CDK5RAP1: variants seen among roughly 807,000 people sequenced by gnomAD.
CDK5RAP1 encodes the protein mitochondrial tRNA methylthiotransferase CDK5RAP1.
CDK5RAP1 carries 62 observed loss-of-function variants against 64.5 expected under a neutral mutation model. That is an observed-to-expected ratio of 0.96 (90% CI 0.78 to 1.19). The LOEUF is 1.19. Among genes scored for constraint, CDK5RAP1 ranks in the 50% most tolerant of loss-of-function variants. The pLI is 0.00. For missense variants in CDK5RAP1, 657 were observed against 735.0 expected, an observed-to-expected ratio of 0.89 and a Z score of 1.23; for synonymous variants, 250 against 261.9, an observed-to-expected ratio of 0.95 and a Z score of 0.44.
At chr20:33,395,783 C>T (rs1324536210) in intron 2 of CDK5RAP1, among the ~76,000 whole-genome samples, 1 of 152,142 alleles carries the variant, frequency 6.6e-6, no homozygotes, top group Non-Finnish European at 1.5e-5. Flanking sequence ...GAGGCCAAGG[C>T]GGGCAGATCA....
chr20:33,381,488 G>A (rs1986744758), intron 7 of CDK5RAP1, among the ~76,000 whole-genome samples: 1 of 151,910 alleles, frequency 6.6e-6, no homozygotes, highest in South Asian at 2.1e-4. Context: ...GTGCACTAGC[G>A]TGATCTTGGC....
Position 33,360,507 on chromosome 20 carries a change from A to G in CDK5RAP1, c.1543-16T>C, listed in dbSNP as rs1291541515. 1 of 1,600,552 alleles carries G rather than the reference A, an allele frequency of 6.2e-7. No individual in the cohort carries two copies. ...GTTTACTGAGCTGCAGAAAGAAGAG[A>G]GAAGAGTTCGTGGATTTGTCACAGT... On this transcript the variant is annotated splice_polypyrimidine_tract_variant and intron_variant, in intron 12 of 13. Transcript: ENST00000346416.
intron 10 of CDK5RAP1, 141 bp from the exon 11 acceptor site, chr20:33,370,770 C>T (rs1403722910): frequency 5.1e-6 from 4 of 778,224 alleles, no homozygotes; most frequent in Admixed American, 2.5e-5. Flanking sequence ...CAAAATAGTA[C>T]AGAGTAAGGC....
intron 8 of CDK5RAP1, among the ~76,000 whole-genome samples, chr20:33,377,905 G>C (rs531306770): frequency 1.3e-4 from 20 of 152,282 alleles, no homozygotes; most frequent in Admixed American, 1.2e-3. Context: ...ACCCACCTTG[G>C]CCTCCCAAAA....
At chr20:33,396,526 C>T (rs568002389) in intron 2 of CDK5RAP1, among the ~76,000 whole-genome samples, 1 of 152,246 alleles carries the variant, frequency 6.6e-6, no homozygotes, top group African/African-American at 2.4e-5. Flanking sequence ...TCTTGAACTC[C>T]TGGGCTCAAG....
intron 12 of CDK5RAP1, among the ~76,000 whole-genome samples, chr20:33,365,979 T>C (rs1030763043): frequency 1.3e-5 from 2 of 152,168 alleles, no homozygotes; most frequent in Non-Finnish European, 2.9e-5. Flanking sequence ...AAAAACCCAT[T>C]TATTCTCTAG....
At chr20:33,384,724 A>G (rs1026747442) in intron 7 of CDK5RAP1, among the ~76,000 whole-genome samples, 1 of 152,120 alleles carries the variant, frequency 6.6e-6, no homozygotes, top group Admixed American at 6.6e-5. Context: ...CAGCATAGTG[A>G]GACCTCATCT....
intron 8 of CDK5RAP1, among the ~76,000 whole-genome samples, chr20:33,378,369 G>C (rs945229067): frequency 6.6e-6 from 1 of 152,140 alleles, no homozygotes; most frequent in Admixed American, 6.6e-5. Context: ...GTGGCTCATG[G>C]TGTTCCGAAA....
chr20:33,401,274 G>C (rs1372739841), intron 1 of CDK5RAP1, among the ~76,000 whole-genome samples, 154 bp downstream of exon 1: 2 of 152,196 alleles, frequency 1.3e-5, no homozygotes, highest in African/African-American at 4.8e-5. Context: ...GTTAGGGTAC[G>C]AACCCCTACA....
In CDK5RAP1 at chr20:33,393,793, G is replaced by C. The variant is rs553681039; in HGVS notation, c.443+239C>G. 3.9e-5 allele frequency among the ~76,000 whole-genome samples: 6 copies of C among 152,262 alleles called. No individual in the cohort carries two copies. The South Asian group carries it at 6.2e-4, about 16-fold the overall frequency. On this transcript the variant is annotated intron_variant, in intron 4 of 13. Transcript: ENST00000346416. ...TCTATAACAGCACCAACCACACAGG[G>C]TTGTTGTGATCATTAAATTTGTTAA...
intron 3 of CDK5RAP1, 112 bp downstream of exon 3, chr20:33,394,901 G>T: frequency 1.4e-6 from 1 of 710,392 alleles, no homozygotes. Flanking sequence ...TCACCCAAGG[G>T]AACTCTCTCT....
chr20:33,370,654 A>G lies in CDK5RAP1; in HGVS notation c.1262-25T>C, dbSNP rs1341100766. The G allele has an allele frequency of 2.5e-6, 4 of 1,613,726 alleles. No homozygotes were observed. The African/African-American group carries it at 5.3e-5, about 22-fold the overall frequency. On this transcript the variant is annotated intron_variant, in intron 10 of 13. Transcript: ENST00000346416. ...CCTGTGATACACAGCAAAGGATGAC[A>G]GGTGACTGCCTGCTGTTTACCTTCA...
chr20:33,376,995 A>C (rs988080262), intron 8 of CDK5RAP1, among the ~76,000 whole-genome samples: 1 of 152,150 alleles, frequency 6.6e-6, no homozygotes, highest in African/African-American at 2.4e-5. Context: ...CAGAATGGCA[A>C]ATCAACACTG....
chr20:33,375,414 A>G (rs1239711865), intron 8 of CDK5RAP1, among the ~76,000 whole-genome samples: 1 of 149,244 alleles, frequency 6.7e-6, no homozygotes, highest in Admixed American at 6.6e-5. Context: ...AAAAAAAAAA[A>G]AAAGAAAAAG....
intron 2 of CDK5RAP1, among the ~76,000 whole-genome samples, chr20:33,395,832 G>A (rs1026318610): frequency 2.0e-5 from 3 of 152,152 alleles, no homozygotes; most frequent in Non-Finnish European, 4.4e-5. Context: ...AGCCAAAATG[G>A]TGAAACCCAG....
At chr20:33,390,014 C>G in intron 5 of CDK5RAP1, among the ~76,000 whole-genome samples, 1 of 150,712 alleles carries the variant, frequency 6.6e-6, no homozygotes, top group Admixed American at 6.6e-5. Flanking sequence ...CTATGGGTCA[C>G]ACCTGTAATC....
Position 33,372,713 on chromosome 20 carries a change from A to G in CDK5RAP1, c.1206-16T>C. ...TCTTGAATATCTGCAATAAAGAACA[A>G]AAGGAAAAGGCCTACATAAATCCAA... On this transcript the variant is annotated splice_polypyrimidine_tract_variant and intron_variant, in intron 9 of 13. Coordinates refer to ENST00000346416, the MANE Select transcript of CDK5RAP1 (RefSeq NM_016408.4). The G allele has an allele frequency of 6.4e-7, 1 of 1,559,920 alleles. No individual in the cohort carries two copies. The highest frequency in any genetic ancestry group is 1.1e-5 in the South Asian group (1 of 87,220).
intron 7 of CDK5RAP1, 80 bp from the exon 8 acceptor site, chr20:33,379,771 A>G (rs1813162350): frequency 1.9e-6 from 2 of 1,038,150 alleles, no homozygotes; most frequent in South Asian, 3.1e-5. Context: ...ATTAGCTGAA[A>G]TTAACATATC....
chr20:33,371,052 G>A (rs1011009160), intron 10 of CDK5RAP1, among the ~76,000 whole-genome samples: 4 of 152,198 alleles, frequency 2.6e-5, no homozygotes, highest in Admixed American at 1.3e-4. Flanking sequence ...CCAGCACTTT[G>A]AGAGGCCAAG....
Sources: allele counts gnomAD v4.1 joint callset (sites outside exome capture counted in the v4.1 genomes callset), GRCh38; gene constraint gnomAD v4.1.1; transcripts MANE v1.5; gene names NCBI Gene and HGNC (gene_info 2026-07-23, HGNC 2026-07-21).